The following FRRS1 variants were observed in gnomAD, a reference collection of about 807,000 sequenced individuals.
FRRS1 encodes the protein ferric chelate reductase 1, also known as ferric reductase 1.
Under a neutral mutation model 70.7 loss-of-function variants are expected in FRRS1, and 51 were observed. The observed-to-expected ratio is 0.72, with a 90% CI of 0.58 to 0.91. FRRS1 has a LOEUF of 0.91. FRRS1 is among the 40% of genes least tolerant of loss of function. The pLI, the probability that FRRS1 is intolerant of heterozygous loss-of-function variation, is 0.00. For missense variants in FRRS1, 672 were observed against 726.0 expected, an observed-to-expected ratio of 0.93 and a Z score of 0.86; for synonymous variants, 225 against 238.7, an observed-to-expected ratio of 0.94 and a Z score of 0.53.
chr1:99,735,052 C>CTTAAACTCAT (rs1655581750), intron 7 of FRRS1, among the ~76,000 whole-genome samples: 1 of 152,190 alleles, frequency 6.6e-6, no homozygotes, highest in Non-Finnish European at 1.5e-5. Context: ...GAGGTATGTA[C>CTTAAACTCAT]AGTACATCTT....
In FRRS1 at chr1:99,708,560, T is replaced by TGCACTCCA. The variant is rs1355802116; in HGVS notation, c.*460_*467dup. The TGCACTCCA allele has an allele frequency of 2.6e-5, 3 of 115,300 alleles. No homozygotes were observed. 7.1% of individuals were successfully genotyped at this position (115,300 alleles called of 1,614,324 possible). Reference sequence around the variant, plus strand: ...TTGCAGTGAGCCGAGATTGCACCACTGCACTCCAGCCTGGGCGACAGAGCA... The same window carrying TGCACTCCA: ...TTGCAGTGAGCCGAGATTGCACCACTGCACTCCAGCACTCCAGCCTGGGCGACAGAGCA... On this transcript the variant is annotated 3_prime_UTR_variant, in exon 17 of 17. Coordinates refer to ENST00000646001, the MANE Select transcript of FRRS1 (RefSeq NM_001361041.2).
intron 6 of FRRS1, among the ~76,000 whole-genome samples, chr1:99,739,880 GTTT>G (rs140941684): frequency 6.7e-6 from 1 of 150,168 alleles, no homozygotes; most frequent in Non-Finnish European, 1.5e-5. Context: ...TTCTCAACAC[GTTT>G]TTTTTTTATT....
intron 9 of FRRS1, among the ~76,000 whole-genome samples, chr1:99,721,467 TACA>T (rs1350524471): frequency 6.6e-6 from 1 of 151,342 alleles, no homozygotes; most frequent in East Asian, 1.9e-4. Context: ...AAACACTGTA[TACA>T]ACTTTAAATC....
At chr1:99,719,455 C>A in intron 10 of FRRS1, 79 bp downstream of exon 10, 3 of 744,538 alleles carry the variant, frequency 4.0e-6, no homozygotes, top group South Asian at 1.5e-5. Flanking sequence ...CTACATTATA[C>A]CCACAGCCAT....
intron 4 of FRRS1, among the ~76,000 whole-genome samples, chr1:99,745,285 T>C (rs950277439): frequency 6.6e-6 from 1 of 152,192 alleles, no homozygotes; most frequent in Non-Finnish European, 1.5e-5. Flanking sequence ...TTTTGGTTGT[T>C]AACTACAAGA....
intron 2 of FRRS1, 32 bp from the exon 3 acceptor site, chr1:99,748,800 C>T (rs1656417949): frequency 2.6e-6 from 4 of 1,515,822 alleles, no homozygotes; most frequent in Non-Finnish European, 3.6e-6. Flanking sequence ...CCATTATTGT[C>T]ATATATAATT....
intron 1 of FRRS1, among the ~76,000 whole-genome samples, chr1:99,752,361 T>C (rs1656610688): frequency 6.6e-6 from 1 of 152,206 alleles, no homozygotes; most frequent in Non-Finnish European, 1.5e-5. Context: ...TCCTTTCACT[T>C]GAACACTTAC....
chr1:99,754,654 T>C (rs1364516859), intron 1 of FRRS1, among the ~76,000 whole-genome samples: 1 of 152,160 alleles, frequency 6.6e-6, no homozygotes, highest in Non-Finnish European at 1.5e-5. Context: ...CCTCTCAAGC[T>C]CACATGGAAT....
At chr1:99,754,485 C>CAAAGAGAGAGAGAGAGAGAG (rs1656726566) in intron 1 of FRRS1, among the ~76,000 whole-genome samples, 3 of 126,076 alleles carry the variant, frequency 2.4e-5, no homozygotes, top group African/African-American at 7.0e-5. Flanking sequence ...GACCTTGTCT[C>CAAAGAGAGAGAGAGAGAGAG]AAAGAGAGAG....
At chr1:99,751,847 A>G (rs564393129) in intron 1 of FRRS1, among the ~76,000 whole-genome samples, 1 of 152,358 alleles carries the variant, frequency 6.6e-6, no homozygotes, top group East Asian at 1.9e-4. Context: ...AAGTGAAGGT[A>G]AAGTAAAAAT....
chr1:99,748,852 TA>T, intron 2 of FRRS1, 44 bp downstream of exon 2: 1 of 943,842 alleles, frequency 1.1e-6, no homozygotes, highest in Non-Finnish European at 1.6e-6. Context: ...TAATTCTAGA[TA>T]ACTACTTGCT....
At chr1:99,717,772 C>G (rs780654063) in intron 10 of FRRS1, among the ~76,000 whole-genome samples, 3 of 152,302 alleles carry the variant, frequency 2.0e-5, no homozygotes, top group Non-Finnish European at 4.4e-5. Context: ...TTTAGTTGAT[C>G]TTTACAACAA....
chr1:99,731,173 C>G (rs1655364665), intron 7 of FRRS1, among the ~76,000 whole-genome samples: 1 of 152,164 alleles, frequency 6.6e-6, no homozygotes, highest in Non-Finnish European at 1.5e-5. Flanking sequence ...AACAATGGCA[C>G]AAAGGAATAA....
Position 99,714,775 on chromosome 1 carries a change from C to A in FRRS1, c.1323+811G>T, listed in dbSNP as rs535498764. Among the ~76,000 whole-genome samples the A allele has an allele frequency of 4.6e-5, 7 of 152,186 alleles. 1 individual carries two copies. In the East Asian group the frequency reaches 1.4e-3, roughly 29 times the overall value. On this transcript the variant is annotated intron_variant, in intron 12 of 16. Transcript: ENST00000646001. ...CTAACAATGGAATCCCAGTAGCTAC[C>A]ATGGAGGTGGCAGTGGGTAGAACAG... is the stretch of plus-strand genomic sequence containing the variant.
chr1:99,739,099 A>ACTTTGGTCTCTGCTCTCCCCTTC (rs1655825330), intron 6 of FRRS1, among the ~76,000 whole-genome samples: 1 of 152,162 alleles, frequency 6.6e-6, no homozygotes, highest in Admixed American at 6.5e-5. Context: ...AGAAACTTGG[A>ACTTTGGTCTCTGCTCTCCCCTTC]CTTTGGTCTC....
At chr1:99,743,913 A>G (rs1475931984) in intron 4 of FRRS1, among the ~76,000 whole-genome samples, 1 of 152,184 alleles carries the variant, frequency 6.6e-6, no homozygotes, top group Non-Finnish European at 1.5e-5. Context: ...ACGAAGTGCC[A>G]CTAGTGATGC....
rs757010928 is a variant in FRRS1 at position 99,748,749 on chromosome 1, G to A, written c.20C>T (p.Thr7Ile). The A allele has an allele frequency of 1.2e-6, 2 of 1,613,322 alleles. No homozygotes were observed. Among genetic ancestry groups the A allele is most frequent in the Non-Finnish European group, 1.7e-6 (2 of 1,179,610 alleles). The change falls in exon 3 of 17, where the codon ACT becomes ATT. Residue 7 changes from threonine (T) to isoleucine (I), a missense_variant. Transcript: ENST00000646001. Reference protein sequence around the residue: MAVSGFTLGTCILLLHI... With the variant: MAVSGFILGTCILLLHI... ...CAACAGAAGTATGCAGGTACCAAGA[G>A]TAAATCCAGAAACTGCCATCTCAAA...
At chr1:99,717,316 A>G (rs920211235) in intron 11 of FRRS1, 94 bp downstream of exon 11, 1 of 842,984 alleles carries the variant, frequency 1.2e-6, no homozygotes, top group Non-Finnish European at 2.0e-6. Context: ...CTGCAACCAC[A>G]AAACGCATAC....
chr1:99,752,476 A>G (rs1233293344), intron 1 of FRRS1, among the ~76,000 whole-genome samples: 1 of 152,234 alleles, frequency 6.6e-6, no homozygotes, highest in East Asian at 1.9e-4. Flanking sequence ...GCCAGTTGGT[A>G]GAGCAGTCAG....
Sources: gnomAD v4.1 joint callset for allele counts (sites outside exome capture counted in the v4.1 genomes callset) on GRCh38, gnomAD v4.1.1 for gene constraint, MANE v1.5 for transcripts, NCBI Gene and HGNC (gene_info 2026-07-23, HGNC 2026-07-21) for gene names.